The following FRMD3 variants were observed in gnomAD, a reference collection of about 807,000 sequenced individuals.
FRMD3 encodes FERM domain containing 3, also known as FERM domain-containing protein 3.
In FRMD3, 33 loss-of-function variants were observed where a neutral mutation model predicts 70.2. That is an observed-to-expected ratio of 0.47 (90% CI 0.36 to 0.63). The LOEUF (loss-of-function observed/expected upper bound fraction) is 0.63, where lower values mean the gene tolerates loss of function less well. Among genes scored for constraint, FRMD3 ranks in the 20% least tolerant of loss-of-function variants. FRMD3 has a pLI of 0.00. For synonymous variants in FRMD3, 279 were observed against 255.9 expected (o/e 1.09, Z -0.86); for missense variants, 632 against 711.4 (o/e 0.89, Z 1.27).
In FRMD3 at chr9:83,246,815, C is replaced by G. The variant is rs1832128179; in HGVS notation, c.*1103G>C. ...ATCCACTTAAACATGTTCATGTTAA[C>G]TCAGACAGCGACTGCACTGCTCTTC... On this transcript the variant is annotated 3_prime_UTR_variant, in exon 14 of 14. Coordinates refer to ENST00000304195, the MANE Select transcript of FRMD3 (RefSeq NM_174938.6). 1 of 985,322 alleles carries G rather than the reference C, an allele frequency of 1.0e-6. No homozygotes were observed. The highest frequency in any genetic ancestry group is 4.7e-5 in the South Asian group (1 of 21,290). 61.0% of individuals were successfully genotyped at this position (985,322 alleles called of 1,614,324 possible). A position where few individuals can be genotyped will look rare whatever the true frequency, so the allele number is the denominator to read the frequency against.
intron 13 of FRMD3, among the ~76,000 whole-genome samples, chr9:83,270,417 C>T (rs937068198): frequency 3.3e-5 from 5 of 152,194 alleles, no homozygotes; most frequent in Non-Finnish European, 5.9e-5. Context: ...ACAAAGTTGC[C>T]TCTACTTTGT....
chr9:83,342,692 T>TTAGA (rs71498046), intron 5 of FRMD3, among the ~76,000 whole-genome samples: 29,294 of 146,838 alleles, frequency 0.2, 2,987 homozygotes, highest in African/African-American at 0.23. Flanking sequence ...GATGGATAGA[T>TTAGA]TAGATAGATA....
chr9:83,408,125 C>T (rs188014059), intron 1 of FRMD3, among the ~76,000 whole-genome samples: 119 of 152,240 alleles, frequency 7.8e-4, no homozygotes, highest in Non-Finnish European at 1.0e-3. Flanking sequence ...ACAAGTGAGT[C>T]ACTATGGCCA....
At chr9:83,447,225 A>G (rs1289866914) in intron 1 of FRMD3, among the ~76,000 whole-genome samples, 1 of 152,090 alleles carries the variant, frequency 6.6e-6, no homozygotes, top group Non-Finnish European at 1.5e-5. Flanking sequence ...GGGTTTCATC[A>G]TGTTGGCTAG....
chr9:83,452,572 C>T (rs1015515525), intron 1 of FRMD3, among the ~76,000 whole-genome samples: 2 of 151,788 alleles, frequency 1.3e-5, no homozygotes, highest in Non-Finnish European at 2.9e-5. Flanking sequence ...AGCACCGCCT[C>T]CCGGGTTCAC....
At chr9:83,306,595 TTTC>T (rs1450815342) in intron 10 of FRMD3, among the ~76,000 whole-genome samples, 1 of 152,238 alleles carries the variant, frequency 6.6e-6, no homozygotes, top group Non-Finnish European at 1.5e-5. Context: ...CTCTAGCTTT[TTTC>T]TTTTTTTTTC....
At chr9:83,388,781 A>G (rs1015152873) in intron 2 of FRMD3, among the ~76,000 whole-genome samples, 1 of 152,068 alleles carries the variant, frequency 6.6e-6, no homozygotes, top group East Asian at 1.9e-4. Context: ...ACTTTGTTGA[A>G]AAAAACTGAG....
intron 10 of FRMD3, among the ~76,000 whole-genome samples, chr9:83,304,942 T>C (rs531682096): frequency 6.6e-6 from 1 of 152,288 alleles, no homozygotes; most frequent in African/African-American, 2.4e-5. Context: ...CAGGCAGATC[T>C]CAGAGCCAGG....
At chr9:83,243,998 C>T (rs1036086015), downstream of FRMD3, among the ~76,000 whole-genome samples, 2 of 152,024 alleles carry the variant, frequency 1.3e-5, no homozygotes, top group Admixed American at 6.6e-5. Flanking sequence ...TGTGGTGGTG[C>T]ATGCCTGTAA....
intron 5 of FRMD3, among the ~76,000 whole-genome samples, chr9:83,342,038 T>C (rs1467060516): frequency 7.3e-6 from 1 of 136,292 alleles, no homozygotes. Context: ...AAGATTGACA[T>C]AGTCATCTCT....
chr9:83,479,785 GGGAAGGAA>G (rs1242768755), intron 1 of FRMD3, among the ~76,000 whole-genome samples: 601 of 42,080 alleles, frequency 0.014, 14 homozygotes, highest in South Asian at 0.027. Flanking sequence ...GAGGGAGGGA[GGGAAGGAA>G]GGAAGGAAGG....
At chr9:83,396,202 AAACAAC>A (rs1825807400) in intron 1 of FRMD3, among the ~76,000 whole-genome samples, 1 of 152,252 alleles carries the variant, frequency 6.6e-6, no homozygotes, top group Non-Finnish European at 1.5e-5. Flanking sequence ...AGAGAGAGGA[AAACAAC>A]AATATGAGGA....
the FRMD3 span, among the ~76,000 whole-genome samples, chr9:83,562,920 T>A: frequency 1.5e-5 from 2 of 132,088 alleles, no homozygotes; most frequent in Admixed American, 7.7e-5. Context: ...GTTTCACCAA[T>A]AAATGGTGTT....
At chr9:83,542,441 G>C (rs1004744109), upstream of FRMD3, among the ~76,000 whole-genome samples, 3 of 152,132 alleles carry the variant, frequency 2.0e-5, no homozygotes, top group Non-Finnish European at 4.4e-5. Flanking sequence ...CAAGACTCTG[G>C]TGAAAGAAAT....
In FRMD3 at chr9:83,248,196, G is replaced by A. The variant is rs749242444; in HGVS notation, c.1516C>T (p.Arg506Cys). The A allele has an allele frequency of 1.6e-5, 26 of 1,614,048 alleles. No homozygotes were observed. The highest frequency in any genetic ancestry group is 4.0e-5 in the African/African-American group (3 of 74,922). Residue 506 changes from arginine (R) to cysteine (C), a missense_variant, in exon 14 of 14, where the codon CGT becomes TGT. Arg to Cys is a radical substitution (Grantham distance 180). This residue lies in a region of FRMD3 where 418 missense variants were observed against 442.1 expected (regional missense o/e 0.95). Coordinates refer to ENST00000304195, the MANE Select transcript of FRMD3 (RefSeq NM_174938.6). Reference sequence around the variant, plus strand: ...ATGTCATAGCTCCACGACAAAGCACGGCGAGCCTCCTTCAGCTCCTCTTCT... The same window carrying A: ...ATGTCATAGCTCCACGACAAAGCACAGCGAGCCTCCTTCAGCTCCTCTTCT... ...AEEEELKEAR[R>C]ALSWSYDILT... is the part of the protein sequence containing the mutation.
At chr9:83,282,028 C>CA (rs768547838) in intron 13 of FRMD3, among the ~76,000 whole-genome samples, 6 of 152,338 alleles carry the variant, frequency 3.9e-5, no homozygotes, top group Admixed American at 6.5e-5. Context: ...CATTCTGTTT[C>CA]AGCAAGAAGG....
At chr9:83,432,905 T>C (rs183702831) in intron 1 of FRMD3, among the ~76,000 whole-genome samples, 21 of 152,336 alleles carry the variant, frequency 1.4e-4, no homozygotes, top group African/African-American at 4.8e-4. Flanking sequence ...ACCCTCCTTC[T>C]GAGTCTCCAA....
At chr9:83,340,631 G>A (rs1045836453) in intron 5 of FRMD3, among the ~76,000 whole-genome samples, 2 of 152,204 alleles carry the variant, frequency 1.3e-5, no homozygotes, top group East Asian at 3.8e-4. Context: ...TACCAAGAAA[G>A]AATATAAATA....
chr9:83,308,200 C>A (rs923762320), intron 10 of FRMD3, among the ~76,000 whole-genome samples: 2 of 152,130 alleles, frequency 1.3e-5, no homozygotes, highest in African/African-American at 4.8e-5. Context: ...GCATAGGCAA[C>A]CTGGACAACT....
Sources: gnomAD v4.1 joint callset for allele counts (sites outside exome capture counted in the v4.1 genomes callset) on GRCh38, gnomAD v4.1.1 for gene constraint, gnomAD v4.1.1 regional missense constraint, MANE v1.5 for transcripts, NCBI Gene and HGNC (gene_info 2026-07-23, HGNC 2026-07-21) for gene names.